CRMP1: variants seen among roughly 807,000 people sequenced by gnomAD.
CRMP1 encodes dihydropyrimidinase-related protein 1.
Under a neutral mutation model 68.3 loss-of-function variants are expected in CRMP1, and 19 were observed. The observed-to-expected ratio is 0.28, with a 90% CI of 0.19 to 0.41. The LOEUF is 0.41. CRMP1 is among the 10% of genes least tolerant of loss of function. The pLI, the probability that CRMP1 is intolerant of heterozygous loss-of-function variation, is 1.00. For missense variants in CRMP1, 791 were observed against 967.4 expected (o/e 0.82, Z 2.42); for synonymous variants, 439 against 399.6 (o/e 1.10, Z -1.18).
intron 2 of CRMP1, among the ~76,000 whole-genome samples, chr4:5,863,641 A>G (rs1473169916): frequency 6.6e-6 from 1 of 152,116 alleles, no homozygotes; most frequent in African/African-American, 2.4e-5. Context: ...CTCCCGGTGC[A>G]GAAGAAACTC....
At chr4:5,868,268 T>TAG (rs1560513207) in intron 1 of CRMP1, among the ~76,000 whole-genome samples, 3 of 14,512 alleles carry the variant, frequency 2.1e-4, no homozygotes, top group African/African-American at 5.5e-4. Context: ...TATCTATATA[T>TAG]ATATATATAT....
At chr4:5,830,814 C>G (rs952439692) in intron 11 of CRMP1, among the ~76,000 whole-genome samples, 1 of 152,168 alleles carries the variant, frequency 6.6e-6, no homozygotes, top group Non-Finnish European at 1.5e-5. Flanking sequence ...GGGAACTCTG[C>G]TTTCCTAGCT....
At chr4:5,856,023 T>G in intron 4 of CRMP1, 120 bp downstream of exon 4, 1 of 1,158,130 alleles carries the variant, frequency 8.6e-7, no homozygotes, top group East Asian at 2.4e-5. Flanking sequence ...CGTGGCAGAG[T>G]GCAGCTCATA....
rs1412805984 is a variant in CRMP1 at position 5,825,335 on chromosome 4, C to A, written c.1969+159G>T. Reference sequence around the variant, plus strand: ...TGCTTGGTGACCATGCCAGCCCACTCTGCCCCACCAGTGAGAGCAGGCTCG... The same window carrying A: ...TGCTTGGTGACCATGCCAGCCCACTATGCCCCACCAGTGAGAGCAGGCTCG... On this transcript the variant is annotated intron_variant, in intron 13 of 13. Transcript: ENST00000324989. This position sits in a 1 kb window ranked among gnomAD's most constrained non-coding sequence, Gnocchi z 4.4. 62 of 985,190 alleles carry A rather than the reference C, an allele frequency of 6.3e-5. No homozygotes were observed. The highest frequency in any genetic ancestry group is 7.2e-5 in the Non-Finnish European group (60 of 829,940). 61.0% of individuals were successfully genotyped at this position (985,190 alleles called of 1,614,324 possible). A position where few individuals can be genotyped will look rare whatever the true frequency, so the allele number is the denominator to read the frequency against.
Position 5,851,441 on chromosome 4 carries a change from G to C in CRMP1, c.849C>G (p.Ala283=). The C allele has an allele frequency of 1.2e-6, 2 of 1,614,152 alleles. No individual in the cohort carries two copies. Among genetic ancestry groups the C allele is most frequent in the Non-Finnish European group, 1.7e-6 (2 of 1,180,000 alleles). Reference sequence around the variant, plus strand: ...CGGACATTTGGTAGACATCCTTATAGGCCATGTAGACTTGGAAGGAATTGA... The same window carrying C: ...CGGACATTTGGTAGACATCCTTATACGCCATGTAGACTTGGAAGGAATTGA... ...KGVNSFQVYM[A]YKDVYQMSDS... is the part of the protein sequence containing the mutation. The change falls in exon 5 of 14, where the codon GCC becomes GCG. Residue 283 remains alanine (A), a synonymous_variant. Transcript: ENST00000324989.
chr4:5,858,797 C>G lies in CRMP1; in HGVS notation c.655+2229G>C, dbSNP rs574459217. On this transcript the variant is annotated intron_variant, in intron 3 of 13. Transcript: ENST00000324989. This position sits in a 1 kb window ranked among gnomAD's most constrained non-coding sequence, Gnocchi z 5.5. ...GCCCAGGGTTGTCCTCTCCTTCCAG[C>G]CTTGCCTCACAGGATGTCATCCCTC... is the stretch of plus-strand genomic sequence containing the variant. Among the ~76,000 whole-genome samples the G allele has an allele frequency of 4.6e-5, 7 of 152,296 alleles. No homozygotes were observed. Among genetic ancestry groups the G allele is most frequent in the African/African-American group, 1.7e-4 (7 of 41,570 alleles).
At position 5,888,283 on chromosome 4, in the gene CRMP1, C is replaced by G; in HGVS notation, c.381+4306G>C. The G allele has an allele frequency of 7.9e-7, 1 of 1,269,536 alleles. No homozygotes were observed. The highest frequency in any genetic ancestry group is 1.0e-6 in the Non-Finnish European group (1 of 1,001,098). The allele number at this position is 1,269,536 out of a possible 1,614,324, so 78.6% of individuals were successfully genotyped here. On this transcript the variant is annotated intron_variant, in intron 1 of 13. Transcript: ENST00000324989. This position sits in a 1 kb window ranked among gnomAD's most constrained non-coding sequence, Gnocchi z 6.4. ...GTACGACATGGCCCCCTCTGGCGCC[C>G]TCGGCCCGGCCGCTGACCTGCGGGG...
chr4:5,851,518 A>C (rs754523386), intron 4 of CRMP1, 49 bp from the exon 5 acceptor site: 1 of 1,556,822 alleles, frequency 6.4e-7, no homozygotes, highest in South Asian at 1.1e-5. Context: ...AAAAAACAGA[A>C]GCATGTCTTT....
At position 5,865,792 on chromosome 4, in the gene CRMP1, G is replaced by A. The variant is rs1231448117; in HGVS notation, c.470+876C>T. 6.6e-6 allele frequency among the ~76,000 whole-genome samples: 1 copy of A among 152,120 alleles called. No individual in the cohort carries two copies. ...GTTGTTAAGGTTGAATGAGGCCACAGGAGTGGGGCTGGAATCCAACAAAAC... is the reference window on the plus strand; with the variant it reads ...GTTGTTAAGGTTGAATGAGGCCACAAGAGTGGGGCTGGAATCCAACAAAAC... On this transcript the variant is annotated intron_variant, in intron 2 of 13. Transcript: ENST00000324989. The surrounding 1 kb of genome is among the most constrained non-coding windows in gnomAD (Gnocchi z 4.1).
Position 5,891,317 on chromosome 4 carries a change from C to A in CRMP1, c.381+1272G>T, listed in dbSNP as rs991739727. On this transcript the variant is annotated intron_variant, in intron 1 of 13. Transcript: ENST00000324989. This position sits in a 1 kb window ranked among gnomAD's most constrained non-coding sequence, Gnocchi z 5.2. The stretch of plus-strand genomic sequence containing the variant: ...AGGGATGGGGCCCGAAGAGGCCCAC[C>A]ACCGTGTTTACCAGTTCCCTGCTCC... 2.6e-5 allele frequency among the ~76,000 whole-genome samples: 4 copies of A among 152,124 alleles called. No individual in the cohort carries two copies. The highest frequency in any genetic ancestry group is 9.7e-5 in the African/African-American group (4 of 41,426).
intron 1 of CRMP1, among the ~76,000 whole-genome samples, chr4:5,884,294 A>T (rs1715415014): frequency 6.6e-6 from 1 of 152,196 alleles, no homozygotes; most frequent in African/African-American, 2.4e-5. Flanking sequence ...CATTTTTTGC[A>T]TACTTGCAAA....
At chr4:5,822,229 T>A (rs73797905) in intron 13 of CRMP1, among the ~76,000 whole-genome samples, 9,063 of 152,312 alleles carry the variant, frequency 0.06, 549 homozygotes, top group African/African-American at 0.15. Context: ...AGGGGGTGTT[T>A]GTACTCCCAA....
intron 1 of CRMP1, among the ~76,000 whole-genome samples, chr4:5,868,235 GC>G (rs1299063258): frequency 4.3e-5 from 6 of 138,560 alleles, no homozygotes; most frequent in Non-Finnish European, 7.6e-5. Flanking sequence ...ATCCCAACTT[GC>G]CGCACATTCT....
rs1577831056 is a variant in CRMP1 at position 5,872,058 on chromosome 4, C to G, written c.382-5302G>C. On this transcript the variant is annotated intron_variant, in intron 1 of 13. Coordinates refer to ENST00000324989, the MANE Select transcript of CRMP1 (RefSeq NM_001014809.3). This position sits in a 1 kb window ranked among gnomAD's most constrained non-coding sequence, Gnocchi z 4.6. ...ATGGCCTGTCCAGCATTCCAGCCACCAAGCCATGCTTCTGTCCCATGTTTA... is the reference window on the plus strand; with the variant it reads ...ATGGCCTGTCCAGCATTCCAGCCACGAAGCCATGCTTCTGTCCCATGTTTA... Among the ~76,000 whole-genome samples, 5 of 152,262 alleles carry G rather than the reference C, an allele frequency of 3.3e-5. No homozygotes were observed. Among genetic ancestry groups the G allele is most frequent in the African/African-American group, 9.6e-5 (4 of 41,544 alleles).
chr4:5,865,956 A>G lies in CRMP1; in HGVS notation c.470+712T>C, dbSNP rs947938619. Among the ~76,000 whole-genome samples the G allele has an allele frequency of 6.6e-6, 1 of 152,176 alleles. No individual in the cohort carries two copies. The highest frequency in any genetic ancestry group is 2.4e-5 in the African/African-American group (1 of 41,448). On this transcript the variant is annotated intron_variant, in intron 2 of 13. Coordinates refer to ENST00000324989, the MANE Select transcript of CRMP1 (RefSeq NM_001014809.3). The surrounding 1 kb of genome is among the most constrained non-coding windows in gnomAD (Gnocchi z 4.1). ...AAGGAAGAACCTCAGGAAGAAGTTC[A>G]GGAAGGCCTCAGGAAGAACCAACCC...
Position 5,870,920 on chromosome 4 carries a change from T to C in CRMP1, c.382-4164A>G, listed in dbSNP as rs894876695. On this transcript the variant is annotated intron_variant, in intron 1 of 13. Transcript: ENST00000324989. The surrounding 1 kb of genome is among the most constrained non-coding windows in gnomAD (Gnocchi z 6.0). Reference sequence around the variant, plus strand: ...GGAAACATAAGTCACCAGCAGCTGGTGCATGGCTTCCGGAACACGGCCGCC... The same window carrying C: ...GGAAACATAAGTCACCAGCAGCTGGCGCATGGCTTCCGGAACACGGCCGCC... 6.6e-6 allele frequency among the ~76,000 whole-genome samples: 1 copy of C among 152,118 alleles called. No individual in the cohort carries two copies. Among genetic ancestry groups the C allele is most frequent in the Non-Finnish European group, 1.5e-5 (1 of 68,028 alleles).
In CRMP1 at chr4:5,888,514, G is replaced by A. The variant is rs1194171577; in HGVS notation, c.381+4075C>T. 4 of 1,188,764 alleles carry A rather than the reference G, an allele frequency of 3.4e-6. No homozygotes were observed. The highest frequency in any genetic ancestry group is 1.6e-5 in the African/African-American group (1 of 62,876). The allele number at this position is 1,188,764 out of a possible 1,614,324, so 73.6% of individuals were successfully genotyped here. ...GGCGGGAGAAGGAGGAGGGAGAGGC[G>A]AGGGCGGGAGGAGGGGGCTGCAGAC... is the stretch of plus-strand genomic sequence containing the variant. On this transcript the variant is annotated intron_variant, in intron 1 of 13. Transcript: ENST00000324989. The surrounding 1 kb of genome is among the most constrained non-coding windows in gnomAD (Gnocchi z 6.4).
In CRMP1 at chr4:5,861,299, A is replaced by G; in HGVS notation, c.471-89T>C. On this transcript the variant is annotated intron_variant, in intron 2 of 13. Transcript: ENST00000324989. This position sits in a 1 kb window ranked among gnomAD's most constrained non-coding sequence, Gnocchi z 6.0. ...GCAGCTTCAGTTCCATGAAATAAAC[A>G]TTTCTGAGCCAGGCCCTTCACAAGG... 4.3e-6 allele frequency: 6 copies of G among 1,387,362 alleles called. No homozygotes were observed. The South Asian group carries it at 6.6e-5, about 15-fold the overall frequency. 85.9% of individuals were successfully genotyped at this position (1,387,362 alleles called of 1,614,324 possible).
rs1250466579 is a variant in CRMP1, at chr4:5,854,377, G to A, written c.820+1766C>T. ...TCAGCCTCCCAAGTAGCTGGGAGGCGTACACCACCACTCCTGGCTATGTTT... is the reference window on the plus strand; with the variant it reads ...TCAGCCTCCCAAGTAGCTGGGAGGCATACACCACCACTCCTGGCTATGTTT... On this transcript the variant is annotated intron_variant, in intron 4 of 13. Transcript: ENST00000324989. The surrounding 1 kb of genome is among the most constrained non-coding windows in gnomAD (Gnocchi z 4.0). Among the ~76,000 whole-genome samples, 8 of 146,846 alleles carry A rather than the reference G, an allele frequency of 5.4e-5. No individual in the cohort carries two copies. Among genetic ancestry groups the A allele is most frequent in the East Asian group, 2.0e-4 (1 of 4,996 alleles).
Sources: allele counts gnomAD v4.1 joint callset (sites outside exome capture counted in the v4.1 genomes callset), GRCh38; gene constraint gnomAD v4.1.1; non-coding constraint Gnocchi (gnomAD v3.1); transcripts MANE v1.5; gene names NCBI Gene and HGNC (gene_info 2026-07-23, HGNC 2026-07-21).